Variants in CALN1 observed in about 807,000 individuals in gnomAD.
CALN1 encodes the protein calcium-binding protein 8.
In CALN1, 17 loss-of-function variants were observed where a neutral mutation model predicts 30.6. The ratio of observed to expected loss-of-function variants is 0.56; its 90% CI spans 0.38 to 0.83. CALN1 has a LOEUF of 0.83. Ranked by LOEUF, CALN1 falls within the 40% of genes least tolerant of loss-of-function variation. The probability of loss-of-function intolerance (pLI) is 0.00; values close to 1 mark genes in which losing one functional copy is unlikely to be tolerated. For synonymous variants in CALN1, 156 were observed against 131.4 expected (o/e 1.19, Z -1.28); for missense variants, 291 against 354.9 (o/e 0.82, Z 1.45).
intron 5 of CALN1, among the ~76,000 whole-genome samples, chr7:71,820,918 A>G (rs930118791): frequency 1.3e-5 from 2 of 152,226 alleles, no homozygotes; most frequent in African/African-American, 4.8e-5. Context: ...CGAGAGGTTG[A>G]TAAGACTTGA....
chr7:72,268,782 G>A (rs1796757328), intron 3 of CALN1, among the ~76,000 whole-genome samples: 3 of 91,794 alleles, frequency 3.3e-5, no homozygotes, highest in Middle Eastern at 7.2e-3. Context: ...GGGCAACAGA[G>A]CAAGACCCTG....
At chr7:72,164,681 G>T (rs1788391638) in intron 3 of CALN1, among the ~76,000 whole-genome samples, 1 of 152,058 alleles carries the variant, frequency 6.6e-6, no homozygotes, top group South Asian at 2.1e-4. Context: ...TACATTTTTT[G>T]TGTATTTGTT....
intron 5 of CALN1, among the ~76,000 whole-genome samples, chr7:72,020,061 A>G (rs546437531): frequency 2.6e-5 from 4 of 151,750 alleles, no homozygotes; most frequent in Non-Finnish European, 5.9e-5. Context: ...CCTATTTTTT[A>G]TTTTTGTTTT....
the CALN1 span, among the ~76,000 whole-genome samples, chr7:72,466,044 T>C: frequency 6.6e-6 from 1 of 152,128 alleles, no homozygotes; most frequent in African/African-American, 2.4e-5. Flanking sequence ...AGAGACTATA[T>C]GCTTCTGCTG....
chr7:72,408,642 G>A (rs887309535), intron 1 of CALN1, among the ~76,000 whole-genome samples: 2 of 142,570 alleles, frequency 1.4e-5, no homozygotes, highest in Non-Finnish European at 3.0e-5. Flanking sequence ...GTCATGAAAA[G>A]ACATACAAAT....
At chr7:72,060,622 GA>G (rs1563021494) in intron 4 of CALN1, among the ~76,000 whole-genome samples, 2 of 152,176 alleles carry the variant, frequency 1.3e-5, no homozygotes, top group African/African-American at 4.8e-5. Context: ...GTTGGAATGT[GA>G]GCCCCAATGT....
At chr7:72,056,617 C>CA (rs141484018) in intron 4 of CALN1, among the ~76,000 whole-genome samples, 3 of 151,642 alleles carry the variant, frequency 2.0e-5, no homozygotes, top group South Asian at 2.1e-4. Context: ...AAAGGAATAA[C>CA]AAAAAAATAG....
chr7:72,343,363 A>G (rs933178520), intron 2 of CALN1, among the ~76,000 whole-genome samples: 3 of 152,104 alleles, frequency 2.0e-5, no homozygotes, highest in African/African-American at 7.2e-5. Context: ...CCTGGTCAAC[A>G]TGGTGAAACT....
At chr7:72,129,608 A>G (rs915134444) in intron 3 of CALN1, among the ~76,000 whole-genome samples, 1 of 152,106 alleles carries the variant, frequency 6.6e-6, no homozygotes, top group Non-Finnish European at 1.5e-5. Flanking sequence ...GAAATGATAT[A>G]ATGTCTGGGA....
intron 5 of CALN1, among the ~76,000 whole-genome samples, chr7:71,819,889 C>T (rs1788494719): frequency 6.6e-6 from 1 of 152,128 alleles, no homozygotes; most frequent in African/African-American, 2.4e-5. Context: ...CTAAGCTCCA[C>T]AACCATCGGA....
chr7:72,205,571 T>TACAC (rs1465359782), intron 3 of CALN1, among the ~76,000 whole-genome samples: 2 of 122,414 alleles, frequency 1.6e-5, no homozygotes, highest in African/African-American at 3.6e-5. Flanking sequence ...TATATATGTA[T>TACAC]ATATATATAT....
At chr7:72,348,132 A>G (rs1303012001) in intron 2 of CALN1, among the ~76,000 whole-genome samples, 1 of 152,360 alleles carries the variant, frequency 6.6e-6, no homozygotes, top group South Asian at 2.1e-4. Flanking sequence ...AAGAAAAAAA[A>G]GAAACTAACG....
At chr7:72,434,194 T>C (rs1562967214) in intron 1 of CALN1, among the ~76,000 whole-genome samples, 1 of 151,572 alleles carries the variant, frequency 6.6e-6, no homozygotes, top group South Asian at 2.1e-4. Flanking sequence ...ATAACATTTC[T>C]TTTTTTTAGG....
intron 3 of CALN1, among the ~76,000 whole-genome samples, chr7:72,113,933 G>T (rs1368759072): frequency 1.3e-5 from 2 of 152,134 alleles, no homozygotes; most frequent in Non-Finnish European, 2.9e-5. Context: ...GGCTGTCACA[G>T]AGTCTAAGGG....
chr7:72,288,068 C>G (rs1798218303), intron 2 of CALN1, among the ~76,000 whole-genome samples: 1 of 151,762 alleles, frequency 6.6e-6, no homozygotes, highest in South Asian at 2.1e-4. Flanking sequence ...GGGTCAGAAT[C>G]AGGAGCTGCT....
intron 2 of CALN1, among the ~76,000 whole-genome samples, chr7:72,287,600 C>A (rs974053078): frequency 5.3e-4 from 81 of 151,836 alleles, no homozygotes; most frequent in African/African-American, 1.5e-3. Flanking sequence ...GCGCCCGCCA[C>A]GACGCACGGC....
At chr7:71,960,401 G>A (rs1490228022) in intron 5 of CALN1, among the ~76,000 whole-genome samples, 4 of 151,966 alleles carry the variant, frequency 2.6e-5, no homozygotes, top group South Asian at 2.1e-4. Context: ...TGTTTAGCTC[G>A]CATTTGTAAG....
At chr7:71,888,130 G>A (rs1315235373) in intron 5 of CALN1, among the ~76,000 whole-genome samples, 3 of 152,100 alleles carry the variant, frequency 2.0e-5, no homozygotes, top group African/African-American at 7.2e-5. Context: ...TGGGGGCAAT[G>A]TAATATAAGA....
chr7:72,434,650 G>A (rs971734643), intron 1 of CALN1, among the ~76,000 whole-genome samples: 1 of 152,192 alleles, frequency 6.6e-6, no homozygotes, highest in Non-Finnish European at 1.5e-5. Context: ...GATCTTTCCA[G>A]GGGGAGAGGC....
Sources: gnomAD v4.1 joint callset for allele counts (sites outside exome capture counted in the v4.1 genomes callset) on GRCh38, gnomAD v4.1.1 for gene constraint, MANE v1.5 for transcripts, NCBI Gene and HGNC (gene_info 2026-07-23, HGNC 2026-07-21) for gene names.